Variants in CNTNAP5 observed in about 807,000 individuals in gnomAD.
CNTNAP5 encodes the protein contactin-associated protein-like 5.
In CNTNAP5, 72 loss-of-function variants were observed where a neutral mutation model predicts 150.2. That is an observed-to-expected ratio of 0.48 (90% CI 0.40 to 0.58). The LOEUF (loss-of-function observed/expected upper bound fraction) is 0.58, where lower values mean the gene tolerates loss of function less well. CNTNAP5 is among the 20% of genes least tolerant of loss of function. The probability of loss-of-function intolerance (pLI) is 0.00; values close to 1 mark genes in which losing one functional copy is unlikely to be tolerated. For missense variants in CNTNAP5, 1,636 were observed against 1,626.2 expected (o/e 1.01, Z -0.10); for synonymous variants, 672 against 619.8 (o/e 1.08, Z -1.25).
At chr2:124,572,865 C>T (rs377495292) in intron 11 of CNTNAP5, among the ~76,000 whole-genome samples, 11 of 152,192 alleles carry the variant, frequency 7.2e-5, no homozygotes, top group Admixed American at 2.0e-4. Flanking sequence ...TCTGAGCGGA[C>T]CTTTTGCAGC....
intron 16 of CNTNAP5, among the ~76,000 whole-genome samples, chr2:124,765,788 G>T (rs995397156): frequency 6.6e-6 from 1 of 151,550 alleles, no homozygotes; most frequent in East Asian, 2.0e-4. Context: ...AAACCCCGTC[G>T]CCACTAAAAA....
At chr2:124,664,466 T>A (rs1484467575) in intron 13 of CNTNAP5, among the ~76,000 whole-genome samples, 1 of 152,160 alleles carries the variant, frequency 6.6e-6, no homozygotes, top group Non-Finnish European at 1.5e-5. Context: ...CAGATATGTT[T>A]CATGAATTGG....
chr2:124,636,067 G>A (rs1677963180), intron 12 of CNTNAP5, among the ~76,000 whole-genome samples: 1 of 152,148 alleles, frequency 6.6e-6, no homozygotes, highest in South Asian at 2.1e-4. Context: ...TTGTTCTCAT[G>A]TAAAGCTCCT....
intron 1 of CNTNAP5, among the ~76,000 whole-genome samples, chr2:124,077,137 A>G (rs1682456031): frequency 6.6e-6 from 1 of 152,178 alleles, no homozygotes; most frequent in East Asian, 1.9e-4. Flanking sequence ...AATTATACAC[A>G]AAGATGATTG....
intron 12 of CNTNAP5, among the ~76,000 whole-genome samples, chr2:124,621,196 T>C (rs1176897232): frequency 6.6e-6 from 1 of 152,216 alleles, no homozygotes; most frequent in Non-Finnish European, 1.5e-5. Flanking sequence ...ATACTGTTTT[T>C]CCTTTGTACA....
intron 3 of CNTNAP5, among the ~76,000 whole-genome samples, chr2:124,413,645 A>T (rs1691837272): frequency 1.2e-5 from 1 of 83,956 alleles, no homozygotes; most frequent in South Asian, 5.0e-4. Flanking sequence ...AAAACCAAAC[A>T]CCGCATATTC....
chr2:124,316,632 CG>C (rs1383611692), intron 3 of CNTNAP5, among the ~76,000 whole-genome samples: 1 of 151,262 alleles, frequency 6.6e-6, no homozygotes, highest in Admixed American at 6.6e-5. Flanking sequence ...TGTGAAAACC[CG>C]TCTCTACTAA....
intron 13 of CNTNAP5, among the ~76,000 whole-genome samples, chr2:124,738,342 T>G (rs1264869843): frequency 6.6e-6 from 1 of 152,214 alleles, no homozygotes; most frequent in Admixed American, 6.5e-5. Context: ...TGTTCCTTTA[T>G]TGTTATCAGT....
At chr2:124,227,536 T>C (rs1164398707) in intron 2 of CNTNAP5, among the ~76,000 whole-genome samples, 2 of 152,094 alleles carry the variant, frequency 1.3e-5, no homozygotes, top group Non-Finnish European at 2.9e-5. Flanking sequence ...AAGTAAGTAA[T>C]AAATACTTGT....
At chr2:124,270,042 G>A (rs1687705706) in intron 3 of CNTNAP5, among the ~76,000 whole-genome samples, 1 of 152,134 alleles carries the variant, frequency 6.6e-6, no homozygotes, top group South Asian at 2.1e-4. Context: ...GGGACCGGGT[G>A]TGGTGGCTCA....
intron 21 of CNTNAP5, among the ~76,000 whole-genome samples, chr2:124,894,623 G>A (rs1678266462): frequency 6.6e-6 from 1 of 150,380 alleles, no homozygotes; most frequent in Non-Finnish European, 1.5e-5. Context: ...GCCTGACGAT[G>A]GCTCACTGCA....
intron 3 of CNTNAP5, among the ~76,000 whole-genome samples, chr2:124,284,761 G>A (rs17666488): frequency 0.076 from 11,520 of 152,206 alleles, 595 homozygotes; most frequent in Non-Finnish European, 0.12. Flanking sequence ...GTTTGAAACA[G>A]TGTCATCAAG....
intron 1 of CNTNAP5, among the ~76,000 whole-genome samples, chr2:124,082,854 A>G (rs1682591565): frequency 6.6e-6 from 1 of 152,018 alleles, no homozygotes; most frequent in Non-Finnish European, 1.5e-5. Flanking sequence ...CTATAGTTAC[A>G]TCTCATTGTG....
At chr2:124,479,159 C>G (rs560755461) in intron 7 of CNTNAP5, among the ~76,000 whole-genome samples, 1 of 152,132 alleles carries the variant, frequency 6.6e-6, no homozygotes, top group Non-Finnish European at 1.5e-5. Context: ...TATGCTAATA[C>G]AGCACTATAT....
intron 6 of CNTNAP5, among the ~76,000 whole-genome samples, chr2:124,465,503 C>G (rs890895559): frequency 3.9e-5 from 6 of 152,130 alleles, no homozygotes; most frequent in African/African-American, 1.4e-4. Flanking sequence ...GAGGCAAAAG[C>G]AGATTTAGAA....
At chr2:124,533,444 G>A (rs376570535) in intron 10 of CNTNAP5, among the ~76,000 whole-genome samples, 5 of 152,178 alleles carry the variant, frequency 3.3e-5, no homozygotes, top group African/African-American at 7.2e-5. Context: ...CCTGGTGGCC[G>A]TACTCTGAGA....
intron 1 of CNTNAP5, among the ~76,000 whole-genome samples, chr2:124,070,598 A>G (rs1682281617): frequency 6.6e-6 from 1 of 151,936 alleles, no homozygotes; most frequent in Non-Finnish European, 1.5e-5. Flanking sequence ...AATAGAGACA[A>G]AGAAGGGCAT....
intron 12 of CNTNAP5, among the ~76,000 whole-genome samples, chr2:124,634,782 A>C (rs1022394021): frequency 3.3e-5 from 5 of 152,084 alleles, no homozygotes; most frequent in Non-Finnish European, 7.4e-5. Flanking sequence ...AGGATTACAG[A>C]TGTGAGCCAC....
intron 3 of CNTNAP5, among the ~76,000 whole-genome samples, chr2:124,404,033 G>C (rs1266032326): frequency 6.6e-6 from 1 of 152,180 alleles, no homozygotes; most frequent in Non-Finnish European, 1.5e-5. Flanking sequence ...GGTTATGGGA[G>C]CAACATTTCA....
Sources: allele counts gnomAD v4.1 joint callset (sites outside exome capture counted in the v4.1 genomes callset), GRCh38; gene constraint gnomAD v4.1.1; transcripts MANE v1.5; gene names NCBI Gene and HGNC (gene_info 2026-07-23, HGNC 2026-07-21).